Variants in MAMDC2 observed in about 807,000 individuals in gnomAD.
MAMDC2 encodes MAM domain-containing protein 2.
MAMDC2 carries 57 observed loss-of-function variants against 89.8 expected under a neutral mutation model. The observed-to-expected ratio is 0.63, with a 90% CI of 0.51 to 0.79. The LOEUF (loss-of-function observed/expected upper bound fraction) is 0.79, where lower values mean the gene tolerates loss of function less well. Ranked by LOEUF, MAMDC2 falls within the 30% of genes least tolerant of loss-of-function variation. The probability of loss-of-function intolerance (pLI) is 0.00; values close to 1 mark genes in which losing one functional copy is unlikely to be tolerated. For synonymous variants in MAMDC2, 313 were observed against 293.4 expected (o/e 1.07, Z -0.68); for missense variants, 800 against 820.6 (o/e 0.97, Z 0.31).
intron 2 of MAMDC2, among the ~76,000 whole-genome samples, chr9:70,092,015 T>C (rs1446919535): frequency 6.6e-6 from 1 of 152,252 alleles, no homozygotes; most frequent in Non-Finnish European, 1.5e-5. Context: ...AATTTTAAAA[T>C]ATCTTTACCT....
At chr9:70,142,293 G>A (rs886891763) in intron 8 of MAMDC2, among the ~76,000 whole-genome samples, 1 of 152,156 alleles carries the variant, frequency 6.6e-6, no homozygotes, top group Non-Finnish European at 1.5e-5. Flanking sequence ...GAATAGGAAG[G>A]TCTGTATGGC....
chr9:70,173,078 TTC>T (rs2032398998), intron 11 of MAMDC2, among the ~76,000 whole-genome samples: 1 of 152,082 alleles, frequency 6.6e-6, no homozygotes, highest in African/African-American at 2.4e-5. Flanking sequence ...AGGAGCCAGT[TTC>T]TCTCTCTCTT....
At chr9:70,054,812 T>C (rs1246745072) in intron 2 of MAMDC2, among the ~76,000 whole-genome samples, 1 of 152,120 alleles carries the variant, frequency 6.6e-6, no homozygotes, top group Non-Finnish European at 1.5e-5. Flanking sequence ...CACTGGAGTG[T>C]CGACTTCAAA....
intron 9 of MAMDC2, among the ~76,000 whole-genome samples, chr9:70,161,462 T>G (rs1587529519): frequency 6.6e-6 from 1 of 152,346 alleles, no homozygotes. Context: ...AGCTAAAAAC[T>G]TATTTAAAAA....
intron 7 of MAMDC2, among the ~76,000 whole-genome samples, chr9:70,139,865 G>A (rs956904759): frequency 3.3e-5 from 5 of 152,076 alleles, no homozygotes; most frequent in Non-Finnish European, 7.4e-5. Flanking sequence ...ATTTCCATGG[G>A]AGGAAATTTC....
chr9:70,077,684 C>A (rs1392507312), intron 2 of MAMDC2, among the ~76,000 whole-genome samples: 1 of 152,170 alleles, frequency 6.6e-6, no homozygotes, highest in Non-Finnish European at 1.5e-5. Flanking sequence ...CTGTATGCAT[C>A]ACATGCCCAT....
intron 2 of MAMDC2, among the ~76,000 whole-genome samples, chr9:70,090,167 C>A (rs1317143619): frequency 6.6e-6 from 1 of 151,370 alleles, no homozygotes; most frequent in African/African-American, 2.4e-5. Context: ...ATATCAGTGG[C>A]TTTTAAACAT....
At chr9:70,221,380 T>TAGAGAGAGAGAGAGAGAGAGAG (rs58804811) in intron 12 of MAMDC2, among the ~76,000 whole-genome samples, 36 of 7,014 alleles carry the variant, frequency 5.1e-3, no homozygotes, top group Non-Finnish European at 8.1e-3. Context: ...TATATATATA[T>TAGAGAGAGAGAGAGAGAGAGAG]AGAGAGAGAG....
intron 2 of MAMDC2, chr9:70,083,416 A>G (rs557126337): frequency 6.6e-6 from 1 of 152,120 alleles, no homozygotes; most frequent in Non-Finnish European, 1.5e-5. Context: ...TGCTCATTCT[A>G]TAGCTAAAGC....
chr9:70,137,349 G>A (rs2031048115), intron 7 of MAMDC2, among the ~76,000 whole-genome samples: 1 of 152,114 alleles, frequency 6.6e-6, no homozygotes, highest in African/African-American at 2.4e-5. Flanking sequence ...ATTTTAGTGT[G>A]TATTTTATAA....
In MAMDC2 at chr9:70,130,016, G is replaced by GTGTGTT. The variant is rs1427853128; in HGVS notation, c.901-1498_901-1497insTTGTGT. ...CATTTTCACATGGCATTCTGTGTGT[G>GTGTGTT]TGTGTGTGTGTGTGTGTGTGTGTGT... On this transcript the variant is annotated intron_variant, in intron 6 of 13. Transcript: ENST00000377182. Among the ~76,000 whole-genome samples, 440 of 145,620 alleles carry GTGTGTT rather than the reference G, an allele frequency of 3.0e-3. 1 individual carries two copies. Among genetic ancestry groups the GTGTGTT allele is most frequent in the African/African-American group, 0.011 (421 of 39,768 alleles).
intron 11 of MAMDC2, among the ~76,000 whole-genome samples, chr9:70,171,670 G>A (rs1222486749): frequency 6.6e-6 from 1 of 152,006 alleles, no homozygotes; most frequent in Non-Finnish European, 1.5e-5. Flanking sequence ...AATTCTCCTA[G>A]AGAAACCATT....
At chr9:70,191,483 C>T (rs758673408) in intron 11 of MAMDC2, among the ~76,000 whole-genome samples, 1 of 132,198 alleles carries the variant, frequency 7.6e-6, no homozygotes, top group Non-Finnish European at 1.7e-5. Context: ...GTTACCCCCA[C>T]CCCCATCCCC....
intron 1 of MAMDC2, 60 bp from the exon 2 acceptor site, chr9:70,044,524 C>A (rs1826690633): frequency 1.4e-6 from 2 of 1,387,826 alleles, no homozygotes; most frequent in Non-Finnish European, 2.0e-6. Context: ...CTGGGGCTCC[C>A]CGAGTTGGTG....
chr9:70,198,629 C>T (rs1006511548), intron 11 of MAMDC2, among the ~76,000 whole-genome samples: 1 of 152,006 alleles, frequency 6.6e-6, no homozygotes, highest in African/African-American at 2.4e-5. Context: ...GAAAAGCAAC[C>T]CTGCAACATT....
intron 6 of MAMDC2, among the ~76,000 whole-genome samples, chr9:70,127,119 T>A (rs372486414): frequency 2.7e-4 from 41 of 152,330 alleles, no homozygotes; most frequent in African/African-American, 9.4e-4. Context: ...CATGAATACA[T>A]GTCTGTATCT....
chr9:70,165,574 G>A (rs1444124072), intron 9 of MAMDC2, among the ~76,000 whole-genome samples: 2 of 152,158 alleles, frequency 1.3e-5, no homozygotes. Context: ...TGGAAAAAGT[G>A]CTAAGGTAGA....
chr9:70,166,304 CATATATATAT>C (rs56121728), intron 9 of MAMDC2, among the ~76,000 whole-genome samples: 1 of 131,264 alleles, frequency 7.6e-6, no homozygotes. Flanking sequence ...CACACACACA[CATATATATAT>C]ATACATACAC....
At chr9:70,098,891 C>T (rs886769417) in intron 2 of MAMDC2, among the ~76,000 whole-genome samples, 3 of 152,080 alleles carry the variant, frequency 2.0e-5, no homozygotes, top group African/African-American at 7.2e-5. Flanking sequence ...GGGAGAAGAA[C>T]ATGTGTGAAG....
Sources: allele counts gnomAD v4.1 joint callset (sites outside exome capture counted in the v4.1 genomes callset), GRCh38; gene constraint gnomAD v4.1.1; transcripts MANE v1.5; gene names NCBI Gene and HGNC (gene_info 2026-07-23, HGNC 2026-07-21).